FRYL: variants seen among roughly 807,000 people sequenced by gnomAD.
FRYL encodes the protein FRY like transcription coactivator.
In FRYL, 150 loss-of-function variants were observed where a neutral mutation model predicts 351.2. The ratio of observed to expected loss-of-function variants is 0.43; its 90% CI spans 0.37 to 0.49. The LOEUF is 0.49. Among genes scored for constraint, FRYL ranks in the 20% least tolerant of loss-of-function variants. The pLI, the probability that FRYL is intolerant of heterozygous loss-of-function variation, is 0.00. For synonymous variants in FRYL, 1,153 were observed against 1,257.1 expected, an observed-to-expected ratio of 0.92 and a Z score of 1.75; for missense variants, 3,036 against 3,619.3, an observed-to-expected ratio of 0.84 and a Z score of 4.13.
chr4:48,705,279 A>C (rs1390422340), intron 2 of FRYL, among the ~76,000 whole-genome samples: 1 of 151,768 alleles, frequency 6.6e-6, no homozygotes, highest in East Asian at 1.9e-4. Flanking sequence ...ATACCACTAT[A>C]ATATACCATT....
rs1745238666 is a variant in FRYL at position 48,599,341 on chromosome 4, G to T, written c.1035+2679C>A. On this transcript the variant is annotated intron_variant, in intron 13 of 63. Transcript: ENST00000358350. ...TGGGAGAATACCAAATTCTGTTTGG[G>T]ACAAAAATTAAAGATTTAACTTTTC... is the stretch of plus-strand genomic sequence containing the variant. 2.0e-5 allele frequency among the ~76,000 whole-genome samples: 3 copies of T among 152,172 alleles called. No homozygotes were observed. In the South Asian group the frequency reaches 6.2e-4, roughly 32 times the overall value.
intron 50 of FRYL, 95 bp downstream of exon 50, chr4:48,531,061 A>G: frequency 1.2e-6 from 1 of 842,324 alleles, no homozygotes; most frequent in East Asian, 2.5e-5. Flanking sequence ...AACACTGGGT[A>G]TGAGCTCAAT....
At chr4:48,570,591 T>C (rs1191020004) in intron 27 of FRYL, among the ~76,000 whole-genome samples, 4 of 152,212 alleles carry the variant, frequency 2.6e-5, no homozygotes, top group Non-Finnish European at 5.9e-5. Context: ...CATAGGAACA[T>C]TATATCCATT....
chr4:48,670,324 T>C (rs1762447824), intron 3 of FRYL, among the ~76,000 whole-genome samples: 1 of 151,782 alleles, frequency 6.6e-6, no homozygotes, highest in Admixed American at 6.6e-5. Flanking sequence ...TCCCAGCTAC[T>C]TGGAAGGCTG....
At chr4:48,689,569 T>A (rs186538953) in intron 2 of FRYL, among the ~76,000 whole-genome samples, 10 of 151,824 alleles carry the variant, frequency 6.6e-5, no homozygotes, top group Admixed American at 6.0e-4. Context: ...ACACCACACA[T>A]AAGTTTACAG....
At chr4:48,545,903 G>C (rs531965471) in intron 42 of FRYL, among the ~76,000 whole-genome samples, 164 bp downstream of exon 42, 7 of 152,218 alleles carry the variant, frequency 4.6e-5, no homozygotes, top group Non-Finnish European at 1.0e-4. Context: ...TGGCACAAAA[G>C]AGTCTTTGAT....
chr4:48,754,873 C>T (rs1292600943), intron 1 of FRYL, among the ~76,000 whole-genome samples: 1 of 152,090 alleles, frequency 6.6e-6, no homozygotes, highest in East Asian at 1.9e-4. Context: ...AACTCCTGAC[C>T]TCAGGTGATC....
chr4:48,578,913 A>C (rs1236165247), intron 23 of FRYL, 60 bp downstream of exon 23: 4 of 1,418,532 alleles, frequency 2.8e-6, no homozygotes, highest in Non-Finnish European at 3.8e-6. Flanking sequence ...TTTTCAAATA[A>C]ATACATATGA....
At chr4:48,779,113 G>A (rs1276195942) in intron 1 of FRYL, among the ~76,000 whole-genome samples, 1 of 152,014 alleles carries the variant, frequency 6.6e-6, no homozygotes. Flanking sequence ...AAACTAGGAT[G>A]GCAGGAAAGA....
At chr4:48,523,470 C>T (rs774628025) in intron 53 of FRYL, 2 of 164,608 alleles carry the variant, frequency 1.2e-5, no homozygotes, top group Non-Finnish European at 2.6e-5. Flanking sequence ...CAATCCATAA[C>T]ACCAGGCTGC....
intron 15 of FRYL, among the ~76,000 whole-genome samples, chr4:48,594,229 C>A (rs1460156670): frequency 2.6e-5 from 4 of 152,034 alleles, no homozygotes; most frequent in African/African-American, 9.7e-5. Context: ...CCCAAACCAA[C>A]AGAATAAAGT....
chr4:48,542,127 G>C lies in FRYL; in HGVS notation c.5593-6C>G, dbSNP rs1730306466. The C allele has an allele frequency of 1.2e-6, 2 of 1,601,802 alleles. No individual in the cohort carries two copies. ...AGAAGCTCAATCACAAATCCCTGGGGGGAAAAAGGCAGATTTTAATTAATT... is the reference window on the plus strand; with the variant it reads ...AGAAGCTCAATCACAAATCCCTGGGCGGAAAAAGGCAGATTTTAATTAATT... On this transcript the variant is annotated splice_region_variant and splice_polypyrimidine_tract_variant and intron_variant, in intron 44 of 63. Coordinates refer to ENST00000358350, the MANE Select transcript of FRYL (RefSeq NM_015030.2).
At chr4:48,527,100 G>A (rs1374542222) in intron 53 of FRYL, among the ~76,000 whole-genome samples, 1 of 152,128 alleles carries the variant, frequency 6.6e-6, no homozygotes, top group Admixed American at 6.5e-5. Context: ...TGATGAATGT[G>A]CAATTTAGTG....
At chr4:48,698,795 C>T (rs1456532164) in intron 2 of FRYL, among the ~76,000 whole-genome samples, 1 of 151,942 alleles carries the variant, frequency 6.6e-6, no homozygotes, top group Non-Finnish European at 1.5e-5. Context: ...AGTCAGTAGG[C>T]ACCACCCCCA....
intron 54 of FRYL, 97 bp downstream of exon 54, chr4:48,522,804 G>A (rs997911495): frequency 1.2e-5 from 11 of 895,916 alleles, no homozygotes; most frequent in Admixed American, 1.2e-4. Context: ...ATTTCAGTGT[G>A]TGCATTTCAC....
chr4:48,563,913 A>T, intron 31 of FRYL, 35 bp downstream of exon 31: 1 of 1,589,030 alleles, frequency 6.3e-7, no homozygotes, highest in Non-Finnish European at 8.5e-7. Context: ...AAGAAAACAG[A>T]ACAAAATGAA....
chr4:48,730,060 C>T (rs554766075), intron 1 of FRYL, among the ~76,000 whole-genome samples: 2 of 152,186 alleles, frequency 1.3e-5, no homozygotes, highest in African/African-American at 2.4e-5. Flanking sequence ...GAGCTGAAAA[C>T]CACAGCACGA....
At position 48,761,007 on chromosome 4, in the gene FRYL, C is replaced by CTGTGTGTGTG. The variant is rs57872533; in HGVS notation, c.-384+19061_-384+19070dup. Among the ~76,000 whole-genome samples, 776 of 134,486 alleles carry CTGTGTGTGTG rather than the reference C, an allele frequency of 5.8e-3. 4 individuals carry two copies. Among genetic ancestry groups the CTGTGTGTGTG allele is most frequent in the Middle Eastern group, 0.021 (6 of 288 alleles). The allele number at this position is 134,486 out of a possible 152,430, so 88.2% of individuals were successfully genotyped here. On this transcript the variant is annotated intron_variant, in intron 1 of 63. Transcript: ENST00000358350. ...TCGCTACTCTCTATTATTACTCTGT[C>CTGTGTGTGTG]TGTGTGTGTGTGTGTGTGTGTGTGT...
At chr4:48,519,403 C>T (rs1724387981) in intron 55 of FRYL, among the ~76,000 whole-genome samples, 1 of 152,136 alleles carries the variant, frequency 6.6e-6, no homozygotes, top group Non-Finnish European at 1.5e-5. Context: ...TTCTTACCAT[C>T]ACTCCCAGTG....
Sources: allele counts gnomAD v4.1 joint callset (sites outside exome capture counted in the v4.1 genomes callset), GRCh38; gene constraint gnomAD v4.1.1; transcripts MANE v1.5; gene names NCBI Gene and HGNC (gene_info 2026-07-23, HGNC 2026-07-21).